The following VPS13B variants were observed in gnomAD, a reference collection of about 807,000 sequenced individuals.
VPS13B encodes vacuolar protein sorting 13 homolog B.
A neutral mutation model predicts 426.4 loss-of-function variants in VPS13B; 285 were observed. The observed-to-expected ratio is 0.67, with a 90% CI of 0.61 to 0.74. The LOEUF (loss-of-function observed/expected upper bound fraction) is 0.74, where lower values mean the gene tolerates loss of function less well. VPS13B is among the 30% of genes least tolerant of loss of function. The pLI is 0.00. For synonymous variants in VPS13B, 1,676 were observed against 1,676.4 expected (o/e 1.00, Z 0.01); for missense variants, 4,537 against 4,782.6 (o/e 0.95, Z 1.51).
intron 33 of VPS13B, among the ~76,000 whole-genome samples, chr8:99,590,329 G>C (rs1313397839): frequency 6.6e-6 from 1 of 151,938 alleles, no homozygotes; most frequent in Non-Finnish European, 1.5e-5. Flanking sequence ...TTGTGTCTCT[G>C]TCTCTTTCAG....
At chr8:99,702,210 C>T (rs1832310898) in intron 36 of VPS13B, among the ~76,000 whole-genome samples, 2 of 152,132 alleles carry the variant, frequency 1.3e-5, no homozygotes, top group South Asian at 2.1e-4. Context: ...TTTCAAGTAA[C>T]ATTGTTCTAC....
intron 33 of VPS13B, among the ~76,000 whole-genome samples, chr8:99,609,193 C>T (rs1414530314): frequency 6.6e-6 from 1 of 152,040 alleles, no homozygotes; most frequent in Admixed American, 6.6e-5. Context: ...CACCCATGCA[C>T]GATTTTGTAA....
chr8:99,270,270 C>A (rs1171151472), intron 17 of VPS13B, among the ~76,000 whole-genome samples: 5 of 149,744 alleles, frequency 3.3e-5, no homozygotes, highest in African/African-American at 1.2e-4. Context: ...TCCTGATTAG[C>A]TGGAATTACA....
intron 30 of VPS13B, among the ~76,000 whole-genome samples, chr8:99,539,750 T>C (rs1395365359): frequency 6.6e-6 from 1 of 151,646 alleles, no homozygotes; most frequent in African/African-American, 2.4e-5. Context: ...AAGAATTAAT[T>C]TGATATAATG....
chr8:99,741,056 A>C (rs1381468802), intron 39 of VPS13B, among the ~76,000 whole-genome samples: 1 of 152,212 alleles, frequency 6.6e-6, no homozygotes, highest in African/African-American at 2.4e-5. Context: ...AAGACCCATC[A>C]CTGTGCTGTA....
intron 33 of VPS13B, among the ~76,000 whole-genome samples, chr8:99,581,875 G>T (rs577754441): frequency 6.6e-6 from 1 of 152,260 alleles, no homozygotes; most frequent in South Asian, 2.1e-4. Flanking sequence ...AGCTCGCTGC[G>T]ATAGTTCACC....
intron 33 of VPS13B, among the ~76,000 whole-genome samples, chr8:99,590,001 G>A (rs1230784098): frequency 6.6e-6 from 1 of 152,076 alleles, no homozygotes; most frequent in Non-Finnish European, 1.5e-5. Context: ...ATTAATTACT[G>A]CCTCAATTTC....
At chr8:99,436,802 G>GCACA (rs1817402664) in intron 22 of VPS13B, among the ~76,000 whole-genome samples, 1 of 151,184 alleles carries the variant, frequency 6.6e-6, no homozygotes, top group South Asian at 2.1e-4. Context: ...GCAGTGGTGT[G>GCACA]ATCTCGGCTC....
intron 29 of VPS13B, among the ~76,000 whole-genome samples, chr8:99,513,602 G>A (rs1481542177): frequency 1.3e-5 from 2 of 152,004 alleles, no homozygotes; most frequent in African/African-American, 4.8e-5. Flanking sequence ...ATTGTATAAT[G>A]GACACTAAAT....
intron 34 of VPS13B, 96 bp from the exon 35 acceptor site, chr8:99,661,258 A>T: frequency 6.8e-7 from 1 of 1,480,710 alleles, no homozygotes; most frequent in South Asian, 1.1e-5. Context: ...CAGTTATTTA[A>T]CCAGTTTTTC....
Position 99,141,770 on chromosome 8 carries a change from C to A in VPS13B, c.1652-1204C>A, listed in dbSNP as rs1008241727. ...TAAATCTAATTAATTTTTGGCCAGG[C>A]GTGGTGGCTCACTCCTGTAATCTCA... On this transcript the variant is annotated intron_variant, in intron 12 of 61. Transcript: ENST00000357162. 3.3e-5 allele frequency among the ~76,000 whole-genome samples: 5 copies of A among 150,750 alleles called. No homozygotes were observed. In the East Asian group the frequency reaches 9.8e-4, roughly 30 times the overall value.
intron 21 of VPS13B, among the ~76,000 whole-genome samples, chr8:99,424,105 A>G (rs959956707): frequency 5.9e-5 from 9 of 152,126 alleles, no homozygotes; most frequent in African/African-American, 2.2e-4. Context: ...TATTGGGTGC[A>G]TATATATTTA....
intron 19 of VPS13B, among the ~76,000 whole-genome samples, chr8:99,313,559 GA>G (rs1330298302): frequency 5.9e-5 from 9 of 152,146 alleles, no homozygotes; most frequent in Non-Finnish European, 1.3e-4. Context: ...CCGGCCCTGT[GA>G]GGTGTCAGTC....
Position 99,720,439 on chromosome 8 carries a change from T to C in VPS13B, c.6752T>C (p.Val2251Ala), listed in dbSNP as rs147576864. 3.2e-5 allele frequency: 52 copies of C among 1,614,018 alleles called. No homozygotes were observed. The African/African-American group carries it at 6.0e-4, about 19-fold the overall frequency. Residue 2251 changes from valine to alanine, a missense_variant, in exon 38 of 62, where the codon GTT becomes GCT. This residue lies in a region of VPS13B where 4,311 missense variants were observed against 4,474.3 expected (regional missense o/e 0.96). Transcript: ENST00000357162. ...GAGGAGGGAAATTTTGAAGTACAAG[T>C]TTCTGAACCAGTGCCTCAAATGTCA... ...LNEEGNFEVQ[V>A]SEPVPQMSSP...
At chr8:99,431,394 A>T in intron 21 of VPS13B, 143 bp from the exon 22 acceptor site, 1 of 1,114,120 alleles carries the variant, frequency 9.0e-7, no homozygotes, top group Non-Finnish European at 1.3e-6. Flanking sequence ...ATAAGAGAAA[A>T]TGATGTAAAA....
chr8:99,034,222 A>G (rs1420408605), intron 2 of VPS13B, among the ~76,000 whole-genome samples: 2 of 152,176 alleles, frequency 1.3e-5, no homozygotes, highest in African/African-American at 4.8e-5. Context: ...TTCTCTGCTC[A>G]TTAAAACAAA....
intron 52 of VPS13B, among the ~76,000 whole-genome samples, chr8:99,833,451 T>G (rs2130860533): frequency 6.6e-6 from 1 of 152,378 alleles, no homozygotes; most frequent in Middle Eastern, 3.4e-3. Flanking sequence ...TCTTTTGATG[T>G]AATATTTTAA....
intron 19 of VPS13B, among the ~76,000 whole-genome samples, chr8:99,297,050 C>T (rs1055682662): frequency 6.6e-6 from 1 of 151,794 alleles, no homozygotes; most frequent in African/African-American, 2.4e-5. Flanking sequence ...GAAGACATCT[C>T]GTGTACTCAT....
chr8:99,312,007 T>C (rs572421764), intron 19 of VPS13B, among the ~76,000 whole-genome samples: 3 of 152,296 alleles, frequency 2.0e-5, no homozygotes, highest in African/African-American at 7.2e-5. Context: ...CTGCCTTTTT[T>C]TATTGTCTGT....
Sources: allele counts gnomAD v4.1 joint callset (sites outside exome capture counted in the v4.1 genomes callset), GRCh38; gene constraint gnomAD v4.1.1; regional missense constraint gnomAD v4.1.1; transcripts MANE v1.5; gene names NCBI Gene and HGNC (gene_info 2026-07-23, HGNC 2026-07-21).